The following MCTP2 variants were observed in gnomAD, a reference collection of about 807,000 sequenced individuals.
MCTP2 encodes multiple C2 and transmembrane domain containing 2.
MCTP2 carries 132 observed loss-of-function variants against 111.6 expected under a neutral mutation model. The ratio of observed to expected loss-of-function variants is 1.18; its 90% CI spans 1.03 to 1.37. The LOEUF is 1.37. MCTP2 is among the 40% of genes most tolerant of loss of function. The pLI is 0.00. For missense variants in MCTP2, 1,183 were observed against 1,067.9 expected, an observed-to-expected ratio of 1.11 and a Z score of -1.50; for synonymous variants, 395 against 387.7, an observed-to-expected ratio of 1.02 and a Z score of -0.22.
At chr15:94,323,978 A>G (rs1416794296) in intron 4 of MCTP2, among the ~76,000 whole-genome samples, 1 of 152,178 alleles carries the variant, frequency 6.6e-6, no homozygotes, top group African/African-American at 2.4e-5. Flanking sequence ...TTTCGACCAA[A>G]TAGGACTTAC....
intron 14 of MCTP2, among the ~76,000 whole-genome samples, chr15:94,398,491 T>C (rs1160651176): frequency 6.6e-6 from 1 of 152,180 alleles, no homozygotes; most frequent in African/African-American, 2.4e-5. Flanking sequence ...CCTATTTGGA[T>C]TTCACCGGTT....
At chr15:94,399,815 A>T (rs2081468540) in intron 15 of MCTP2, 106 bp from the exon 16 acceptor site, 2 of 907,480 alleles carry the variant, frequency 2.2e-6, no homozygotes, top group Non-Finnish European at 3.6e-6. Flanking sequence ...TGCTAAGGTC[A>T]GAGTCAGAAG....
chr15:94,329,863 C>T (rs1032323311), intron 4 of MCTP2, among the ~76,000 whole-genome samples: 45 of 152,020 alleles, frequency 3.0e-4, no homozygotes, highest in African/African-American at 1.1e-3. Flanking sequence ...TATACAATAC[C>T]CTTCCATTAA....
chr15:94,243,230 T>C (rs1417156327), intron 1 of MCTP2, among the ~76,000 whole-genome samples: 1 of 149,322 alleles, frequency 6.7e-6, no homozygotes, highest in African/African-American at 2.5e-5. Flanking sequence ...TACGTATGCG[T>C]ACATACACAT....
chr15:94,233,574 G>T (rs2070340289), intron 1 of MCTP2, among the ~76,000 whole-genome samples: 1 of 152,042 alleles, frequency 6.6e-6, no homozygotes. Flanking sequence ...AAAGGACTTT[G>T]TGTTTGTGTA....
chr15:94,439,090 T>C (rs1272108720), intron 17 of MCTP2, among the ~76,000 whole-genome samples: 2 of 152,188 alleles, frequency 1.3e-5, no homozygotes, highest in East Asian at 1.9e-4. Flanking sequence ...AATATATATG[T>C]AAATTATTTG....
At chr15:94,249,536 A>G (rs1271737166) in intron 1 of MCTP2, among the ~76,000 whole-genome samples, 1 of 150,284 alleles carries the variant, frequency 6.7e-6, no homozygotes, top group Non-Finnish European at 1.5e-5. Context: ...CCCAGGCTGG[A>G]GTGCAGTGGC....
At chr15:94,439,585 A>G (rs1293492697) in intron 17 of MCTP2, among the ~76,000 whole-genome samples, 5 of 152,184 alleles carry the variant, frequency 3.3e-5, no homozygotes, top group Non-Finnish European at 7.4e-5. Context: ...TCAGTCTCAA[A>G]TTCTCACTTG....
At chr15:94,349,971 C>A (rs533949355) in intron 8 of MCTP2, among the ~76,000 whole-genome samples, 1 of 152,276 alleles carries the variant, frequency 6.6e-6, no homozygotes, top group South Asian at 2.1e-4. Context: ...TTCGGTGTGT[C>A]CCCTGGACCA....
At chr15:94,437,133 A>C (rs2083518886) in intron 17 of MCTP2, among the ~76,000 whole-genome samples, 1 of 146,436 alleles carries the variant, frequency 6.8e-6, no homozygotes, top group Admixed American at 6.9e-5. Context: ...AAAGTATTTC[A>C]AAAATTTCAC....
intron 20 of MCTP2, among the ~76,000 whole-genome samples, chr15:94,461,396 G>A (rs989331319): frequency 6.6e-6 from 1 of 152,126 alleles, no homozygotes; most frequent in Non-Finnish European, 1.5e-5. Flanking sequence ...GGAGGCGGAG[G>A]TTGCAGTGAG....
rs549745107 is a variant in MCTP2 at position 94,456,201 on chromosome 15, G to C, written c.2251-1936G>C. ...GTAAGACTCTTTAGCCTAGTCTTTG[G>C]ATATTTAATACTCCAAACATCAAAT... On this transcript the variant is annotated intron_variant, in intron 19 of 22. Coordinates refer to ENST00000357742, the MANE Select transcript of MCTP2 (RefSeq NM_001385001.1). Among the ~76,000 whole-genome samples, 7 of 152,196 alleles carry C rather than the reference G, an allele frequency of 4.6e-5. No individual in the cohort carries two copies. In the South Asian group the frequency reaches 1.2e-3, roughly 27 times the overall value.
At chr15:94,466,205 T>G (rs1176438822) in intron 20 of MCTP2, among the ~76,000 whole-genome samples, 2 of 152,190 alleles carry the variant, frequency 1.3e-5, no homozygotes, top group Non-Finnish European at 1.5e-5. Context: ...TTGGATTAGA[T>G]TTCAATATCT....
chr15:94,273,230 A>G (rs1373757107), intron 1 of MCTP2, among the ~76,000 whole-genome samples: 2 of 152,210 alleles, frequency 1.3e-5, no homozygotes, highest in Non-Finnish European at 2.9e-5. Context: ...CAACACAGCC[A>G]AACACCTTTC....
chr15:94,476,561 C>A, intron 21 of MCTP2, 135 bp from the exon 22 acceptor site: 1 of 551,400 alleles, frequency 1.8e-6, no homozygotes, highest in Non-Finnish European at 3.2e-6. Context: ...CCGAGTCAGG[C>A]GAGTTTTTGA....
Position 94,479,323 on chromosome 15 carries a change from T to TC in MCTP2, c.*290dup, listed in dbSNP as rs1290631565. On this transcript the variant is annotated 3_prime_UTR_variant, in exon 23 of 23. Coordinates refer to ENST00000357742, the MANE Select transcript of MCTP2 (RefSeq NM_001385001.1). ...TAGGAGATAACAAGGCTGCCATGGA[T>TC]CTGAACACCACCTTCCTTGAGAACA... is the stretch of plus-strand genomic sequence containing the variant. 4.5e-6 allele frequency: 2 copies of TC among 445,646 alleles called. No individual in the cohort carries two copies. The highest frequency in any genetic ancestry group is 6.8e-5 in the East Asian group (2 of 29,450). 27.6% of individuals were successfully genotyped at this position (445,646 alleles called of 1,614,324 possible). A position where few individuals can be genotyped will look rare whatever the true frequency, so the allele number is the denominator to read the frequency against.
chr15:94,384,984 G>A (rs2080373571), intron 13 of MCTP2, among the ~76,000 whole-genome samples: 1 of 152,198 alleles, frequency 6.6e-6, no homozygotes, highest in South Asian at 2.1e-4. Context: ...ACAACAGAGG[G>A]TTTCTAAGCA....
At chr15:94,427,618 C>T (rs565928007) in intron 17 of MCTP2, among the ~76,000 whole-genome samples, 2 of 152,238 alleles carry the variant, frequency 1.3e-5, no homozygotes, top group South Asian at 4.1e-4. Context: ...CAGGCCCCTC[C>T]CCCGACACGT....
At chr15:94,435,206 A>G (rs540874554) in intron 17 of MCTP2, among the ~76,000 whole-genome samples, 2 of 152,302 alleles carry the variant, frequency 1.3e-5, no homozygotes, top group Admixed American at 6.5e-5. Context: ...ACCCATTTCT[A>G]TAAAATAAAG....
Sources: allele counts gnomAD v4.1 joint callset (sites outside exome capture counted in the v4.1 genomes callset), GRCh38; gene constraint gnomAD v4.1.1; transcripts MANE v1.5; gene names NCBI Gene and HGNC (gene_info 2026-07-23, HGNC 2026-07-21).